Variants in DAB1 observed in about 807,000 individuals in gnomAD.
DAB1 encodes the protein DAB adaptor protein 1, also known as disabled homolog 1.
A neutral mutation model predicts 64.6 loss-of-function variants in DAB1; 15 were observed. The ratio of observed to expected loss-of-function variants is 0.23; its 90% CI spans 0.16 to 0.36. The LOEUF is 0.36. Among genes scored for constraint, DAB1 ranks in the 10% least tolerant of loss-of-function variants. The probability of loss-of-function intolerance (pLI) is 1.00; values close to 1 mark genes in which losing one functional copy is unlikely to be tolerated. For synonymous variants in DAB1, 235 were observed against 251.9 expected (o/e 0.93, Z 0.64); for missense variants, 596 against 706.7 (o/e 0.84, Z 1.78).
intron 9 of DAB1, among the ~76,000 whole-genome samples, chr1:57,046,606 C>T (rs746050285): frequency 3.3e-5 from 5 of 152,154 alleles, no homozygotes; most frequent in African/African-American, 4.8e-5. Context: ...CAGCTCTGCT[C>T]GTTAGAGATG....
chr1:57,585,122 G>A (rs1570649678), intron 7 of DAB1, among the ~76,000 whole-genome samples: 1 of 151,922 alleles, frequency 6.6e-6, no homozygotes, highest in East Asian at 1.9e-4. Flanking sequence ...GGTGGTGGGT[G>A]GCTGTAATGC....
rs1321169300 is a variant in DAB1, at chr1:56,995,787, T to A, written c.*2357A>T. ...AGCAATTTCCCATGGGAACTGCCTA[T>A]CTTACCAAATCCCCAGAAAACAAAC... is the stretch of plus-strand genomic sequence containing the variant. On this transcript the variant is annotated 3_prime_UTR_variant, in exon 15 of 15. Coordinates refer to ENST00000371236, the MANE Select transcript of DAB1 (RefSeq NM_001365792.1). 3 of 152,200 alleles carry A rather than the reference T, an allele frequency of 2.0e-5. No homozygotes were observed. The highest frequency in any genetic ancestry group is 4.8e-5 in the African/African-American group (2 of 41,456). 9.4% of individuals were successfully genotyped at this position (152,200 alleles called of 1,614,324 possible). A position where few individuals can be genotyped will look rare whatever the true frequency, so the allele number is the denominator to read the frequency against.
At chr1:57,824,710 TC>T (rs1652268494), downstream of DAB1, among the ~76,000 whole-genome samples, 1 of 152,220 alleles carries the variant, frequency 6.6e-6, no homozygotes, top group African/African-American at 2.4e-5. Flanking sequence ...AAATATTTAT[TC>T]CCTGTGTCAG....
rs1248463402 is a variant in DAB1 at position 58,126,869 on chromosome 1, T to C, written n.387+23642A>G. 2.0e-5 allele frequency among the ~76,000 whole-genome samples: 3 copies of C among 146,660 alleles called. 1 individual carries two copies. The highest frequency in any genetic ancestry group is 7.6e-5 in the African/African-American group (3 of 39,278). On this transcript the variant is annotated intron_variant and non_coding_transcript_variant, in intron 5 of 20. Transcript: ENST00000485760. ...AATCCAGTCTATCACTGTTGGACAT[T>C]TGGGTTGGTTCCAAGTCTTTGCTAT...
At chr1:57,621,587 C>T (rs1399744653) in intron 7 of DAB1, among the ~76,000 whole-genome samples, 2 of 151,938 alleles carry the variant, frequency 1.3e-5, no homozygotes, top group Non-Finnish European at 2.9e-5. Flanking sequence ...TTGTAAGTTC[C>T]TCCGTGGAAA....
chr1:57,045,589 T>C (rs572357390), intron 9 of DAB1, among the ~76,000 whole-genome samples: 2 of 152,136 alleles, frequency 1.3e-5, no homozygotes, highest in South Asian at 4.2e-4. Context: ...TCCCAGCTAC[T>C]TGGGAGACTG....
intron 5 of DAB1, among the ~76,000 whole-genome samples, chr1:58,114,807 T>C (rs544005491): frequency 5.3e-5 from 8 of 152,366 alleles, no homozygotes; most frequent in African/African-American, 1.4e-4. Context: ...AAGGCTGATA[T>C]TCAATCAGTG....
At chr1:57,725,499 T>G (rs1307383279) in intron 6 of DAB1, among the ~76,000 whole-genome samples, 2 of 152,146 alleles carry the variant, frequency 1.3e-5, no homozygotes, top group Admixed American at 1.3e-4. Context: ...AAGGTGGTGC[T>G]CTCCTTGCAA....
At chr1:57,595,980 C>T (rs901110577) in intron 7 of DAB1, among the ~76,000 whole-genome samples, 1 of 152,186 alleles carries the variant, frequency 6.6e-6, no homozygotes, top group Non-Finnish European at 1.5e-5. Context: ...TTATAAATTA[C>T]TCAGTCTCAG....
chr1:57,851,134 A>G (rs2101927618), intron 1 of DAB1, among the ~76,000 whole-genome samples: 1 of 152,370 alleles, frequency 6.6e-6, no homozygotes, highest in East Asian at 1.9e-4. Flanking sequence ...GAATGCTAGC[A>G]TCTACCATTA....
chr1:57,181,629 G>A (rs910107941), intron 2 of DAB1, among the ~76,000 whole-genome samples: 1 of 152,162 alleles, frequency 6.6e-6, no homozygotes, highest in South Asian at 2.1e-4. Flanking sequence ...TGCTGGCTGT[G>A]TTAAAATTAT....
intron 1 of DAB1, among the ~76,000 whole-genome samples, chr1:57,315,618 T>G (rs552693411): frequency 1.1e-3 from 161 of 152,130 alleles, no homozygotes; most frequent in Non-Finnish European, 1.1e-3. Flanking sequence ...TTCTCCTGCC[T>G]CAGCCTCCCG....
chr1:57,436,295 A>G (rs1685693610), intron 7 of DAB1, among the ~76,000 whole-genome samples: 1 of 152,208 alleles, frequency 6.6e-6, no homozygotes, highest in Non-Finnish European at 1.5e-5. Context: ...GTGAGTATGC[A>G]TTGCAGCACC....
intron 5 of DAB1, among the ~76,000 whole-genome samples, chr1:57,972,170 A>T (rs746462728): frequency 1.3e-5 from 2 of 152,232 alleles, no homozygotes; most frequent in Non-Finnish European, 2.9e-5. Context: ...ATCAATAGGC[A>T]CTAACCACAT....
chr1:58,452,123 G>C (rs1242667594), intron 3 of DAB1, among the ~76,000 whole-genome samples: 1 of 151,644 alleles, frequency 6.6e-6, no homozygotes, highest in East Asian at 2.0e-4. Flanking sequence ...AGTTGAGAGG[G>C]GGGTTTCGCC....
intron 9 of DAB1, among the ~76,000 whole-genome samples, chr1:57,039,608 T>A (rs1647462396): frequency 6.6e-6 from 1 of 152,190 alleles, no homozygotes; most frequent in African/African-American, 2.4e-5. Context: ...TGCCTCATCA[T>A]TCCACCCACC....
At chr1:58,448,473 T>C (rs1249469816) in intron 3 of DAB1, among the ~76,000 whole-genome samples, 2 of 152,232 alleles carry the variant, frequency 1.3e-5, no homozygotes, top group Admixed American at 6.5e-5. Context: ...CAGATGAATC[T>C]GACCCCAGTT....
At chr1:57,265,691 A>C (rs1570103198) in intron 2 of DAB1, among the ~76,000 whole-genome samples, 1 of 152,204 alleles carries the variant, frequency 6.6e-6, no homozygotes, top group Non-Finnish European at 1.5e-5. Context: ...TCTATGAATT[A>C]TTGAAAAACC....
chr1:57,914,352 C>A (rs1037949601), intron 5 of DAB1, among the ~76,000 whole-genome samples: 3 of 150,300 alleles, frequency 2.0e-5, no homozygotes, highest in African/African-American at 7.4e-5. Flanking sequence ...GGACAAAAAA[C>A]CAAACACCCC....
Sources: allele counts gnomAD v4.1 joint callset (sites outside exome capture counted in the v4.1 genomes callset), GRCh38; gene constraint gnomAD v4.1.1; transcripts MANE v1.5; gene names NCBI Gene and HGNC (gene_info 2026-07-23, HGNC 2026-07-21).